GAB2: variants seen among roughly 807,000 people sequenced by gnomAD.
GAB2 encodes the protein GRB2-associated-binding protein 2.
In GAB2, 26 loss-of-function variants were observed where a neutral mutation model predicts 65.5. The ratio of observed to expected loss-of-function variants is 0.40; its 90% confidence interval spans 0.29 to 0.55. The LOEUF (loss-of-function observed/expected upper bound fraction) is 0.55, where lower values mean the gene tolerates loss of function less well. Among genes scored for constraint, GAB2 ranks in the 20% least tolerant of loss-of-function variants. GAB2 has a pLI of 0.53. For missense variants in GAB2, 884 were observed against 875.8 expected, an observed-to-expected ratio of 1.01 and a Z score of -0.12; for synonymous variants, 321 against 329.6, an observed-to-expected ratio of 0.97 and a Z score of 0.28.
At chr11:78,275,794 A>ATATATC (rs760500511) in intron 2 of GAB2, among the ~76,000 whole-genome samples, 7 of 152,148 alleles carry the variant, frequency 4.6e-5, no homozygotes, top group Admixed American at 2.0e-4. Flanking sequence ...ATATATATCT[A>ATATATC]TATATCTATA....
chr11:78,304,212 T>C (rs932530020), intron 1 of GAB2, among the ~76,000 whole-genome samples: 49 of 152,160 alleles, frequency 3.2e-4, no homozygotes, highest in Non-Finnish European at 6.2e-4. Context: ...TAATGAGATA[T>C]AATTTATATT....
chr11:78,341,736 T>C, intron 1 of GAB2: 3 of 984,656 alleles, frequency 3.0e-6, no homozygotes, highest in Non-Finnish European at 3.6e-6. Flanking sequence ...TTGCCCGCCA[T>C]ACTCTTTGTT....
intron 1 of GAB2, among the ~76,000 whole-genome samples, chr11:78,401,153 AT>A (rs1565185825): frequency 6.6e-6 from 1 of 152,104 alleles, no homozygotes; most frequent in Non-Finnish European, 1.5e-5. Flanking sequence ...AGAATACAAA[AT>A]TTATCATCTT....
chr11:78,346,777 G>A (rs1856198078), intron 1 of GAB2, among the ~76,000 whole-genome samples: 1 of 142,088 alleles, frequency 7.0e-6, no homozygotes, highest in Non-Finnish European at 1.5e-5. Flanking sequence ...AAGACTCAGA[G>A]ACTCTTTCAA....
chr11:78,408,154 G>T (rs922424892), intron 1 of GAB2, among the ~76,000 whole-genome samples: 18 of 152,144 alleles, frequency 1.2e-4, no homozygotes, highest in African/African-American at 4.1e-4. Flanking sequence ...TTCCTTCTGA[G>T]TTTTCTAAAT....
intron 1 of GAB2, among the ~76,000 whole-genome samples, chr11:78,393,352 A>G (rs1856857761): frequency 6.6e-6 from 1 of 152,206 alleles, no homozygotes; most frequent in Non-Finnish European, 1.5e-5. Context: ...ACACGAATAA[A>G]GTGTATCAAA....
chr11:78,254,815 A>AAAAAGAG (rs1327305065), intron 2 of GAB2, among the ~76,000 whole-genome samples: 1 of 151,868 alleles, frequency 6.6e-6, no homozygotes, highest in African/African-American at 2.4e-5. Flanking sequence ...AGAAAAAAGA[A>AAAAAGAG]AAAAGAAAAA....
At chr11:78,400,774 G>A (rs1452689816) in intron 1 of GAB2, among the ~76,000 whole-genome samples, 1 of 151,864 alleles carries the variant, frequency 6.6e-6, no homozygotes, top group Non-Finnish European at 1.5e-5. Flanking sequence ...GCATAGTGGT[G>A]CAGCCTGTAA....
chr11:78,280,137 G>A (rs987069456), intron 2 of GAB2, among the ~76,000 whole-genome samples: 4 of 152,128 alleles, frequency 2.6e-5, no homozygotes, highest in South Asian at 2.1e-4. Context: ...ACACTGAATC[G>A]TCAATAATCA....
intron 1 of GAB2, among the ~76,000 whole-genome samples, chr11:78,366,355 G>C (rs1856496898): frequency 6.6e-6 from 1 of 152,050 alleles, no homozygotes; most frequent in Non-Finnish European, 1.5e-5. Flanking sequence ...CGAGGCAGGT[G>C]GATCACCTGA....
chr11:78,290,407 T>C (rs959032889), intron 1 of GAB2, among the ~76,000 whole-genome samples: 1 of 152,172 alleles, frequency 6.6e-6, no homozygotes, highest in African/African-American at 2.4e-5. Context: ...CCACAAAGTG[T>C]GGGTACATAT....
chr11:78,331,910 A>C (rs1056334405), intron 1 of GAB2, among the ~76,000 whole-genome samples: 3 of 152,128 alleles, frequency 2.0e-5, no homozygotes, highest in Non-Finnish European at 4.4e-5. Context: ...CTCGTAAATG[A>C]AAGTGTCCAT....
At chr11:78,383,650 C>G (rs554408807) in intron 1 of GAB2, among the ~76,000 whole-genome samples, 10 of 150,440 alleles carry the variant, frequency 6.6e-5, no homozygotes, top group Non-Finnish European at 1.0e-4. Context: ...GCCAGCTACT[C>G]GAGAGGCTGA....
intron 3 of GAB2, among the ~76,000 whole-genome samples, chr11:78,246,798 C>T (rs1171168523): frequency 3.3e-5 from 5 of 152,118 alleles, no homozygotes; most frequent in South Asian, 2.1e-4. Context: ...CGCACCCGGC[C>T]GAGAAGTGAT....
At chr11:78,270,559 C>G (rs1340570423) in intron 2 of GAB2, among the ~76,000 whole-genome samples, 1 of 152,158 alleles carries the variant, frequency 6.6e-6, no homozygotes, top group Non-Finnish European at 1.5e-5. Context: ...CACTTAGTGC[C>G]TTTAAGCCTT....
chr11:78,399,944 A>C (rs17136566), intron 1 of GAB2, among the ~76,000 whole-genome samples: 6,118 of 152,288 alleles, frequency 0.04, 358 homozygotes, highest in African/African-American at 0.13. Flanking sequence ...CCTTTGAAAT[A>C]CTGAGAGGTT....
At chr11:78,329,492 G>A (rs1296916677) in intron 1 of GAB2, among the ~76,000 whole-genome samples, 1 of 151,996 alleles carries the variant, frequency 6.6e-6, no homozygotes, top group Non-Finnish European at 1.5e-5. Flanking sequence ...CTCCTTGAAG[G>A]CAGGGCCTTG....
intron 1 of GAB2, among the ~76,000 whole-genome samples, chr11:78,334,237 C>T (rs1039455787): frequency 1.3e-5 from 2 of 152,160 alleles, no homozygotes; most frequent in Admixed American, 1.3e-4. Context: ...AGCATTTATC[C>T]TTTGTGTTAC....
At chr11:78,306,342 T>C (rs1001201589) in intron 1 of GAB2, among the ~76,000 whole-genome samples, 3 of 152,186 alleles carry the variant, frequency 2.0e-5, no homozygotes, top group African/African-American at 7.2e-5. Flanking sequence ...GCAATTCTCC[T>C]GCCTCAGCCT....
Sources: allele counts gnomAD v4.1 joint callset (sites outside exome capture counted in the v4.1 genomes callset), GRCh38; gene constraint gnomAD v4.1.1; transcripts MANE v1.5; gene names NCBI Gene and HGNC (gene_info 2026-07-23, HGNC 2026-07-21).